The following SLC9B1 variants were observed in gnomAD, a reference collection of about 807,000 sequenced individuals.
SLC9B1 encodes the protein solute carrier family 9 member B1.
Under a neutral mutation model 51.7 loss-of-function variants are expected in SLC9B1, and 32 were observed. That is an observed-to-expected ratio of 0.62 (90% CI 0.47 to 0.83). The LOEUF is 0.83. SLC9B1 is among the 40% of genes least tolerant of loss of function. The pLI, the probability that SLC9B1 is intolerant of heterozygous loss-of-function variation, is 0.00. For synonymous variants in SLC9B1, 145 were observed against 212.7 expected (o/e 0.68, Z 2.77); for missense variants, 406 against 613.2 (o/e 0.66, Z 3.57).
chr4:102,895,373 A>G (rs1246467578), intron 11 of SLC9B1, among the ~76,000 whole-genome samples: 1 of 152,180 alleles, frequency 6.6e-6, no homozygotes, highest in African/African-American at 2.4e-5. Flanking sequence ...AGCAGAAGAG[A>G]AAGAAAATAG....
In SLC9B1 at chr4:102,972,413, T is replaced by C. The variant is rs551637921; in HGVS notation, c.211+17387A>G. Among the ~76,000 whole-genome samples, 424 of 152,238 alleles carry C rather than the reference T, an allele frequency of 2.8e-3. 3 individuals carry two copies. The highest frequency in any genetic ancestry group is 0.014 in the Middle Eastern group (4 of 294). ...CAGGTGTGCCACCATGCCCAGCTAA[T>C]TTTTGTATTTTTAGTAGAGATGGGG... On this transcript the variant is annotated intron_variant, in intron 3 of 11. Transcript: ENST00000296422.
intron 11 of SLC9B1, chr4:102,887,280 A>G (rs942658781): frequency 2.4e-5 from 24 of 1,003,434 alleles, no homozygotes; most frequent in Non-Finnish European, 3.8e-5. Context: ...CATTTCACAA[A>G]TGTTTCTACC....
intron 7 of SLC9B1, among the ~76,000 whole-genome samples, chr4:102,915,897 T>G (rs893228107): frequency 6.6e-6 from 1 of 152,144 alleles, no homozygotes; most frequent in African/African-American, 2.4e-5. Context: ...TGTTTTCATG[T>G]AATTCTACAG....
At chr4:102,986,644 G>A (rs1416993174) in intron 3 of SLC9B1, among the ~76,000 whole-genome samples, 1 of 151,924 alleles carries the variant, frequency 6.6e-6, no homozygotes, top group Non-Finnish European at 1.5e-5. Context: ...ACAATTCTTG[G>A]ATATTCTGTT....
intron 3 of SLC9B1, among the ~76,000 whole-genome samples, chr4:102,985,539 C>CT (rs56258175): frequency 6.7e-5 from 10 of 149,794 alleles, no homozygotes; most frequent in Non-Finnish European, 8.9e-5. Context: ...ATTTTCTTTT[C>CT]TTTTTTTTTT....
intron 3 of SLC9B1, among the ~76,000 whole-genome samples, chr4:102,987,087 TGTG>T (rs926541330): frequency 1.3e-5 from 2 of 152,162 alleles, no homozygotes; most frequent in African/African-American, 4.8e-5. Flanking sequence ...ACTTTAGTAA[TGTG>T]GTGATAAGGT....
chr4:102,976,915 A>G (rs1284462863), intron 3 of SLC9B1, among the ~76,000 whole-genome samples: 1 of 152,178 alleles, frequency 6.6e-6, no homozygotes, highest in South Asian at 2.1e-4. Context: ...TTGGGAGGCC[A>G]AGGCTGGAAG....
chr4:102,890,379 A>G (rs1267352733), intron 11 of SLC9B1: 1 of 152,212 alleles, frequency 6.6e-6, no homozygotes, highest in Non-Finnish European at 1.5e-5. Context: ...AAATGCCACT[A>G]TTTAACAAGG....
chr4:102,957,058 G>A (rs1178209195), intron 3 of SLC9B1, among the ~76,000 whole-genome samples: 1 of 152,116 alleles, frequency 6.6e-6, no homozygotes, highest in African/African-American at 2.4e-5. Flanking sequence ...AGGTTCAGTA[G>A]CATATTTGAC....
intron 1 of SLC9B1, among the ~76,000 whole-genome samples, chr4:102,996,665 C>T (rs1246002070): frequency 6.6e-6 from 1 of 152,176 alleles, no homozygotes; most frequent in African/African-American, 2.4e-5. Context: ...ATCCTCTATA[C>T]ATTGTATTGC....
intron 1 of SLC9B1, among the ~76,000 whole-genome samples, chr4:102,999,882 G>A (rs1158054070): frequency 2.0e-5 from 3 of 152,126 alleles, no homozygotes; most frequent in African/African-American, 7.2e-5. Context: ...AATTTAAAAA[G>A]GAAAGAGGTT....
chr4:102,930,729 T>A (rs1483787190), intron 7 of SLC9B1, among the ~76,000 whole-genome samples: 3 of 151,994 alleles, frequency 2.0e-5, no homozygotes, highest in African/African-American at 4.8e-5. Context: ...TTAAAAAAAA[T>A]TTTTATAGCA....
intron 11 of SLC9B1, chr4:102,891,189 T>G (rs1253120135): frequency 6.8e-6 from 1 of 147,364 alleles, no homozygotes; most frequent in African/African-American, 2.7e-5. Flanking sequence ...GAAAAAGTCT[T>G]CTTTTTAAAA....
intron 1 of SLC9B1, among the ~76,000 whole-genome samples, chr4:103,018,181 GA>G (rs1237295256): frequency 1.3e-5 from 2 of 152,174 alleles, no homozygotes; most frequent in Non-Finnish European, 2.9e-5. Context: ...AGTACAAAAT[GA>G]GAAGTACTAT....
At chr4:102,896,404 A>T (rs553424147), downstream of SLC9B1, among the ~76,000 whole-genome samples, 4 of 152,080 alleles carry the variant, frequency 2.6e-5, no homozygotes, top group Non-Finnish European at 4.4e-5. Context: ...ATTTTTTCTT[A>T]ATTTTTATAA....
chr4:103,008,506 C>T (rs530806154), intron 1 of SLC9B1, among the ~76,000 whole-genome samples: 1 of 151,684 alleles, frequency 6.6e-6, no homozygotes, highest in Non-Finnish European at 1.5e-5. Flanking sequence ...CTCCGCCTCC[C>T]GAGTAGCTGG....
chr4:102,890,630 C>T (rs1438088538), intron 11 of SLC9B1: 2 of 151,984 alleles, frequency 1.3e-5, no homozygotes, highest in Admixed American at 6.6e-5. Flanking sequence ...TACTTGATCT[C>T]AGGAGTACCA....
At chr4:102,944,929 ATATGT>A (rs1267462577) in intron 6 of SLC9B1, among the ~76,000 whole-genome samples, 2 of 152,168 alleles carry the variant, frequency 1.3e-5, no homozygotes, top group Non-Finnish European at 2.9e-5. Flanking sequence ...AAACATACAG[ATATGT>A]TATAATACAG....
chr4:102,993,426 G>A (rs749077030), intron 1 of SLC9B1, among the ~76,000 whole-genome samples: 1 of 152,236 alleles, frequency 6.6e-6, no homozygotes, highest in Non-Finnish European at 1.5e-5. Context: ...GCTGATGCAA[G>A]AGGTGGGCTC....
Sources: gnomAD v4.1 joint callset for allele counts (sites outside exome capture counted in the v4.1 genomes callset) on GRCh38, gnomAD v4.1.1 for gene constraint, MANE v1.5 for transcripts, NCBI Gene and HGNC (gene_info 2026-07-23, HGNC 2026-07-21) for gene names.